The following INTS2 variants were observed in gnomAD, a reference collection of about 807,000 sequenced individuals.
INTS2 encodes the protein KIAA1287.
Under a neutral mutation model 139.6 loss-of-function variants are expected in INTS2, and 57 were observed. The observed-to-expected ratio is 0.41, with a 90% CI of 0.33 to 0.51. The LOEUF (loss-of-function observed/expected upper bound fraction) is 0.51, where lower values mean the gene tolerates loss of function less well. Among genes scored for constraint, INTS2 ranks in the 20% least tolerant of loss-of-function variants. The probability of loss-of-function intolerance (pLI) is 0.28; values close to 1 mark genes in which losing one functional copy is unlikely to be tolerated. For missense variants in INTS2, 1,196 were observed against 1,436.7 expected, an observed-to-expected ratio of 0.83 and a Z score of 2.71; for synonymous variants, 473 against 493.4, an observed-to-expected ratio of 0.96 and a Z score of 0.55.
chr17:61,883,019 C>G (rs78919046), intron 16 of INTS2, among the ~76,000 whole-genome samples: 1 of 151,998 alleles, frequency 6.6e-6, no homozygotes, highest in Non-Finnish European at 1.5e-5. Context: ...GAAAAGACAT[C>G]GTAACAATCA....
intron 1 of INTS2, among the ~76,000 whole-genome samples, 200 bp from the exon 2 acceptor site, chr17:61,926,862 A>G (rs947831424): frequency 5.3e-5 from 8 of 152,186 alleles, no homozygotes; most frequent in African/African-American, 1.9e-4. Context: ...AACAGAGTAT[A>G]TTAATGTCTC....
At chr17:61,906,887 C>A (rs1226869743) in intron 8 of INTS2, among the ~76,000 whole-genome samples, 1 of 138,734 alleles carries the variant, frequency 7.2e-6, no homozygotes, top group Non-Finnish European at 1.5e-5. Flanking sequence ...TCGCTTGAAT[C>A]CGGGAGGCAG....
In INTS2 at chr17:61,909,075, G is replaced by A. The variant is rs149073202; in HGVS notation, c.955-1441C>T. On this transcript the variant is annotated intron_variant, in intron 7 of 24. Coordinates refer to ENST00000251334, the MANE Select transcript of INTS2 (RefSeq NM_001351695.2). This position sits in a 1 kb window ranked among gnomAD's most constrained non-coding sequence, Gnocchi z 4.9. ...AATACATATGCATAAGCAGGTGAAC[G>A]TATAAAATAAAATGTGGTATATACA... Among the ~76,000 whole-genome samples, 17 of 152,164 alleles carry A rather than the reference G, an allele frequency of 1.1e-4. No homozygotes were observed. The South Asian group carries it at 1.2e-3, about 11-fold the overall frequency.
At position 61,909,998 on chromosome 17, in the gene INTS2, CAGT is replaced by C. The variant is rs1567911948; in HGVS notation, c.954+1519_954+1521del. Among the ~76,000 whole-genome samples, 1 of 152,116 alleles carries C rather than the reference CAGT, an allele frequency of 6.6e-6. No individual in the cohort carries two copies. The highest frequency in any genetic ancestry group is 1.5e-5 in the Non-Finnish European group (1 of 68,030). ...TTTATATAATGATTTCTCTACCCAG[CAGT>C]AGGATTGCTGGACAGAATGGCAGTT... On this transcript the variant is annotated intron_variant, in intron 7 of 24. Transcript: ENST00000251334. The surrounding 1 kb of genome is among the most constrained non-coding windows in gnomAD (Gnocchi z 4.9).
chr17:61,890,470 C>T (rs1442531936), intron 14 of INTS2, among the ~76,000 whole-genome samples: 5 of 151,618 alleles, frequency 3.3e-5, no homozygotes, highest in Non-Finnish European at 7.4e-5. Context: ...ATTAGCCAGG[C>T]GTGGTGGCAG....
At chr17:61,885,414 C>CTTT (rs201806448) in intron 15 of INTS2, 3 of 141,968 alleles carry the variant, frequency 2.1e-5, no homozygotes, top group Admixed American at 7.3e-5. Flanking sequence ...GTAATTTTAT[C>CTTT]TTTTTTTTTT....
intron 15 of INTS2, among the ~76,000 whole-genome samples, chr17:61,888,129 G>A (rs529132507): frequency 6.6e-6 from 1 of 151,920 alleles, no homozygotes. Flanking sequence ...CCAGCACTTT[G>A]GGAGGCCAAG....
chr17:61,915,707 T>C (rs923051603), intron 5 of INTS2, among the ~76,000 whole-genome samples: 3 of 145,098 alleles, frequency 2.1e-5, no homozygotes, highest in African/African-American at 7.7e-5. Context: ...GGCGGGTGCC[T>C]GTAGTCCCAG....
In INTS2 at chr17:61,897,610, A is replaced by AT. The variant is rs774673096; in HGVS notation, c.1380-28dup. The AT allele has an allele frequency of 3.2e-6, 5 of 1,581,794 alleles. No individual in the cohort carries two copies. Among genetic ancestry groups the AT allele is most frequent in the Non-Finnish European group, 3.4e-6 (4 of 1,159,854 alleles). On this transcript the variant is annotated intron_variant, in intron 10 of 24. Coordinates refer to ENST00000251334, the MANE Select transcript of INTS2 (RefSeq NM_001351695.2). This position sits in a 1 kb window ranked among gnomAD's most constrained non-coding sequence, Gnocchi z 4.4. ...TGTCAAAACAAAATAGGAAATATGA[A>AT]TTTTCCAAAGAGAGAAGAAGAAAAG...
chr17:61,874,131 T>C (rs1280867241), intron 19 of INTS2: 2 of 152,186 alleles, frequency 1.3e-5, no homozygotes, highest in African/African-American at 4.8e-5. Context: ...CAAAGAAATC[T>C]GTACCTGATT....
chr17:61,921,939 T>C (rs1453886045), intron 3 of INTS2, 112 bp from the exon 4 acceptor site: 4 of 586,714 alleles, frequency 6.8e-6, no homozygotes, highest in Non-Finnish European at 1.2e-5. Flanking sequence ...GTATCACTAA[T>C]ATACCACAGC....
rs557654371 is a variant in INTS2, at chr17:61,869,178, A to G, written c.3139-39T>C. The stretch of plus-strand genomic sequence containing the variant: ...TCCAGTTATTACATGTTTCTCAAGA[A>G]TATCTTTAGGTATTAAAAATTATAA... On this transcript the variant is annotated intron_variant, in intron 22 of 24. Coordinates refer to ENST00000251334, the MANE Select transcript of INTS2 (RefSeq NM_001351695.2). The surrounding 1 kb of genome is among the most constrained non-coding windows in gnomAD (Gnocchi z 5.4). 2 of 1,490,550 alleles carry G rather than the reference A, an allele frequency of 1.3e-6. No homozygotes were observed. Among genetic ancestry groups the G allele is most frequent in the Non-Finnish European group, 1.9e-6 (2 of 1,070,798 alleles). The allele number at this position is 1,490,550 out of a possible 1,614,324, so 92.3% of individuals were successfully genotyped here.
At chr17:61,878,190 C>T in intron 17 of INTS2, 102 bp from the exon 18 acceptor site, 2 of 698,806 alleles carry the variant, frequency 2.9e-6, no homozygotes, top group South Asian at 3.5e-5. Flanking sequence ...ATCAAGAAAA[C>T]AATGTGGCTA....
At position 61,869,640 on chromosome 17, in the gene INTS2, T is replaced by C; in HGVS notation, c.3030+97A>G. On this transcript the variant is annotated intron_variant, in intron 21 of 24. Transcript: ENST00000251334. The surrounding 1 kb of genome is among the most constrained non-coding windows in gnomAD (Gnocchi z 5.4). ...TGCAAAAGCCCATGGATCATTTGTG[T>C]TTTCTCTGGTTTCTAAATGATCCCT... The C allele has an allele frequency of 1.4e-6, 2 of 1,385,900 alleles. No homozygotes were observed. Among genetic ancestry groups the C allele is most frequent in the South Asian group, 1.4e-5 (1 of 70,374 alleles). 85.9% of individuals were successfully genotyped at this position (1,385,900 alleles called of 1,614,324 possible). A position where few individuals can be genotyped will look rare whatever the true frequency, so the allele number is the denominator to read the frequency against.
Position 61,885,020 on chromosome 17 carries a change from A to G in INTS2, c.1985-15T>C. On this transcript the variant is annotated splice_polypyrimidine_tract_variant and intron_variant, in intron 15 of 24. Transcript: ENST00000251334. ...TTGCATGGCAGCTATCAAAGATAAAAAGTGTAAAATAAATAAAATGTCCAG... is the reference window on the plus strand; with the variant it reads ...TTGCATGGCAGCTATCAAAGATAAAGAGTGTAAAATAAATAAAATGTCCAG... 2.4e-5 allele frequency: 36 copies of G among 1,502,096 alleles called. No individual in the cohort carries two copies. The highest frequency in any genetic ancestry group is 3.3e-5 in the Non-Finnish European group (36 of 1,096,150). 93.0% of individuals were successfully genotyped at this position (1,502,096 alleles called of 1,614,324 possible). A position where few individuals can be genotyped will look rare whatever the true frequency, so the allele number is the denominator to read the frequency against.
In INTS2 at chr17:61,905,963, C is replaced by G. The variant is rs1322183117; in HGVS notation, c.1182-1378G>C. 1.1e-4 allele frequency among the ~76,000 whole-genome samples: 17 copies of G among 152,332 alleles called. No homozygotes were observed. In the East Asian group the frequency reaches 3.3e-3, roughly 29 times the overall value. ...CTGTCCACCTTGGCCCCCCAAAGTG[C>G]TGGGATTACAGGCGTGAGCCACCGC... is the stretch of plus-strand genomic sequence containing the variant. On this transcript the variant is annotated intron_variant, in intron 8 of 24. Coordinates refer to ENST00000251334, the MANE Select transcript of INTS2 (RefSeq NM_001351695.2).
rs1366026531 is a variant in INTS2 at position 61,875,215 on chromosome 17, AAC to A, written c.2457-179_2457-178del. Among the ~76,000 whole-genome samples the A allele has an allele frequency of 9.2e-5, 14 of 152,214 alleles. No individual in the cohort carries two copies. The highest frequency in any genetic ancestry group is 3.1e-4 in the African/African-American group (13 of 41,460). On this transcript the variant is annotated intron_variant, in intron 18 of 24. Transcript: ENST00000251334. This position sits in a 1 kb window ranked among gnomAD's most constrained non-coding sequence, Gnocchi z 4.6. The stretch of plus-strand genomic sequence containing the variant: ...AACCTATTAAAATATCTCTTTAAAA[AAC>A]ACAGAGATAAAACAGTAAACACAAA...
rs113294013 is a variant in INTS2, at chr17:61,888,556, T to TGTGCGTGCGTGC, written c.1984+1229_1984+1230insGCACGCACGCAC. On this transcript the variant is annotated intron_variant, in intron 15 of 24. Coordinates refer to ENST00000251334, the MANE Select transcript of INTS2 (RefSeq NM_001351695.2). ...CAGTGACATTCTCTGTGTGCGTGTG[T>TGTGCGTGCGTGC]GTGCGTGCGTGTGTGTGTGTGTGTG... Among the ~76,000 whole-genome samples, 441 of 120,542 alleles carry TGTGCGTGCGTGC rather than the reference T, an allele frequency of 3.7e-3. 1 individual carries two copies. Among genetic ancestry groups the TGTGCGTGCGTGC allele is most frequent in the African/African-American group, 0.012 (412 of 34,214 alleles). 79.1% of individuals were successfully genotyped at this position (120,542 alleles called of 152,430 possible).
intron 5 of INTS2, among the ~76,000 whole-genome samples, chr17:61,914,622 G>C (rs935760076): frequency 6.7e-6 from 1 of 149,136 alleles, no homozygotes; most frequent in African/African-American, 2.5e-5. Flanking sequence ...AGAATGGCGT[G>C]AACACAGGAG....
Sources: allele counts gnomAD v4.1 joint callset (sites outside exome capture counted in the v4.1 genomes callset), GRCh38; gene constraint gnomAD v4.1.1; non-coding constraint Gnocchi (gnomAD v3.1); transcripts MANE v1.5; gene names NCBI Gene and HGNC (gene_info 2026-07-23, HGNC 2026-07-21).